Variants in WASF1 observed in about 807,000 individuals in gnomAD.
WASF1 encodes the protein actin-binding protein WASF1.
WASF1 carries 7 observed loss-of-function variants against 50.5 expected under a neutral mutation model. The observed-to-expected ratio is 0.14, with a 90% confidence interval of 0.08 to 0.26. The LOEUF is 0.26. WASF1 is among the 10% of genes least tolerant of loss of function. WASF1 has a pLI of 1.00. For missense variants in WASF1, 470 were observed against 694.7 expected (o/e 0.68, Z 3.64); for synonymous variants, 205 against 244.0 (o/e 0.84, Z 1.49).
intron 3 of WASF1, among the ~76,000 whole-genome samples, chr6:110,138,588 A>T (rs1775073629): frequency 6.6e-6 from 1 of 152,196 alleles, no homozygotes; most frequent in South Asian, 2.1e-4. Context: ...CAGGCAGATC[A>T]TCCCAATGAG....
At chr6:110,145,799 C>T (rs565413905) in intron 3 of WASF1, among the ~76,000 whole-genome samples, 1 of 152,068 alleles carries the variant, frequency 6.6e-6, no homozygotes, top group African/African-American at 2.4e-5. Context: ...ATTATGCAGT[C>T]ATAAAAAATG....
intron 3 of WASF1, among the ~76,000 whole-genome samples, chr6:110,146,734 A>G (rs1775581439): frequency 6.6e-6 from 1 of 152,134 alleles, no homozygotes; most frequent in Non-Finnish European, 1.5e-5. Flanking sequence ...TAAACTAAAA[A>G]ACTGAAGTTC....
chr6:110,174,469 G>C (rs1448275868), intron 2 of WASF1, among the ~76,000 whole-genome samples: 1 of 152,164 alleles, frequency 6.6e-6, no homozygotes, highest in Non-Finnish European at 1.5e-5. Context: ...TGAGGGGACA[G>C]TAGCAGGCAG....
chr6:110,133,822 TTGTC>T (rs1315126543), intron 3 of WASF1, among the ~76,000 whole-genome samples: 2 of 152,154 alleles, frequency 1.3e-5, no homozygotes, highest in Non-Finnish European at 1.5e-5. Context: ...ATTCTGTGGG[TTGTC>T]TGTTTACTTT....
chr6:110,146,473 A>C (rs1775566847), intron 3 of WASF1, among the ~76,000 whole-genome samples: 1 of 151,872 alleles, frequency 6.6e-6, no homozygotes, highest in Admixed American at 6.6e-5. Context: ...GATATTATTA[A>C]ATATAAAAAT....
At chr6:110,168,399 G>C (rs920606353) in intron 2 of WASF1, among the ~76,000 whole-genome samples, 18 of 152,024 alleles carry the variant, frequency 1.2e-4, no homozygotes, top group African/African-American at 4.1e-4. Flanking sequence ...TTCCTTCTGT[G>C]ATAGTGAAAA....
intron 7 of WASF1, among the ~76,000 whole-genome samples, 186 bp from the exon 8 acceptor site, chr6:110,105,765 C>T (rs192755325): frequency 6.6e-6 from 1 of 152,246 alleles, no homozygotes; most frequent in Admixed American, 6.5e-5. Context: ...TGCTGTAATC[C>T]CAGTTTCCTG....
chr6:110,130,796 T>C (rs1213014273), intron 3 of WASF1, among the ~76,000 whole-genome samples: 2 of 152,236 alleles, frequency 1.3e-5, no homozygotes, highest in Admixed American at 6.5e-5. Flanking sequence ...TTCCAGAGAC[T>C]GTACCAACAC....
chr6:110,168,863 C>A (rs772966800), intron 2 of WASF1, among the ~76,000 whole-genome samples: 2 of 152,052 alleles, frequency 1.3e-5, no homozygotes, highest in African/African-American at 4.8e-5. Flanking sequence ...CAACTTTGTC[C>A]TTACCAAGTT....
intron 3 of WASF1, among the ~76,000 whole-genome samples, chr6:110,128,890 C>T (rs1250419509): frequency 5.3e-5 from 8 of 152,230 alleles, no homozygotes; most frequent in Middle Eastern, 3.4e-3. Context: ...GAACTGCACA[C>T]GTGAGGGGTC....
At chr6:110,117,662 A>C (rs1773874151) in intron 4 of WASF1, among the ~76,000 whole-genome samples, 1 of 152,194 alleles carries the variant, frequency 6.6e-6, no homozygotes, top group African/African-American at 2.4e-5. Context: ...AATACAGATA[A>C]CACCACAAAG....
intron 9 of WASF1, among the ~76,000 whole-genome samples, chr6:110,102,587 G>A (rs1248750437): frequency 6.6e-6 from 1 of 152,060 alleles, no homozygotes; most frequent in Admixed American, 6.5e-5. Flanking sequence ...AATACATGTG[G>A]CCAATACAAT....
At chr6:110,141,998 C>A (rs1029134563) in intron 3 of WASF1, among the ~76,000 whole-genome samples, 2 of 152,166 alleles carry the variant, frequency 1.3e-5, no homozygotes, top group African/African-American at 4.8e-5. Context: ...GAACTCCCGA[C>A]CTCGTGATCC....
chr6:110,112,009 A>G (rs1202400726), intron 5 of WASF1, among the ~76,000 whole-genome samples: 3 of 151,102 alleles, frequency 2.0e-5, no homozygotes, highest in African/African-American at 7.3e-5. Context: ...CAGAGCTCTG[A>G]GTTTACATTT....
chr6:110,140,437 G>C (rs116758534), intron 3 of WASF1, among the ~76,000 whole-genome samples: 1 of 152,130 alleles, frequency 6.6e-6, no homozygotes, highest in African/African-American at 2.4e-5. Context: ...ACCCAAAGGG[G>C]GAGTCATAGG....
At chr6:110,139,237 C>T (rs1022412325) in intron 3 of WASF1, among the ~76,000 whole-genome samples, 3 of 152,310 alleles carry the variant, frequency 2.0e-5, no homozygotes, top group South Asian at 2.1e-4. Flanking sequence ...CACTTCCAAG[C>T]CTGTGGGGGC....
intron 4 of WASF1, among the ~76,000 whole-genome samples, chr6:110,124,216 T>TCTCC (rs1367926644): frequency 3.1e-5 from 2 of 63,546 alleles, no homozygotes; most frequent in Non-Finnish European, 5.6e-5. Context: ...TCTCTCTCTC[T>TCTCC]CCTCTCTCTC....
intron 3 of WASF1, among the ~76,000 whole-genome samples, chr6:110,150,800 C>A (rs182887227): frequency 1.9e-3 from 288 of 152,288 alleles, no homozygotes; most frequent in African/African-American, 6.4e-3. Context: ...CTTTGGGAGG[C>A]TGAGGCGGGC....
At chr6:110,135,804 C>T (rs944730983) in intron 3 of WASF1, among the ~76,000 whole-genome samples, 8 of 122,986 alleles carry the variant, frequency 6.5e-5, no homozygotes, top group Admixed American at 5.6e-4. Context: ...TGGCTAAGAT[C>T]AAGTGTAGTT....
Sources: allele counts gnomAD v4.1 joint callset (sites outside exome capture counted in the v4.1 genomes callset), GRCh38; gene constraint gnomAD v4.1.1; transcripts MANE v1.5; gene names NCBI Gene and HGNC (gene_info 2026-07-23, HGNC 2026-07-21).